CELF2: variants seen among roughly 807,000 people sequenced by gnomAD.
CELF2 encodes CUGBP Elav-like family member 2.
Under a neutral mutation model 62.6 loss-of-function variants are expected in CELF2, and 8 were observed. The ratio of observed to expected loss-of-function variants is 0.13; its 90% CI spans 0.07 to 0.23. The LOEUF is 0.23. Among genes scored for constraint, CELF2 ranks in the 10% least tolerant of loss-of-function variants. The probability of loss-of-function intolerance (pLI) is 1.00; values close to 1 mark genes in which losing one functional copy is unlikely to be tolerated. For synonymous variants in CELF2, 258 were observed against 250.0 expected (o/e 1.03, Z -0.30); for missense variants, 333 against 671.0 (o/e 0.50, Z 5.56).
the CELF2 span, among the ~76,000 whole-genome samples, chr10:10,718,228 A>G: frequency 6.6e-6 from 1 of 152,190 alleles, no homozygotes; most frequent in African/African-American, 2.4e-5. Context: ...TCTTGCTCTT[A>G]ATAGGAAAGC....
the CELF2 span, among the ~76,000 whole-genome samples, chr10:10,691,923 G>C: frequency 6.6e-6 from 1 of 151,246 alleles, no homozygotes; most frequent in Non-Finnish European, 1.5e-5. Context: ...TGTCAGATGA[G>C]TAGGTTGCGA....
At chr10:10,482,335 A>G in the CELF2 span, among the ~76,000 whole-genome samples, 3 of 152,238 alleles carry the variant, frequency 2.0e-5, no homozygotes, top group Non-Finnish European at 4.4e-5. Flanking sequence ...AAATCACCTA[A>G]TTTAAAATAC....
intron 2 of CELF2, among the ~76,000 whole-genome samples, chr10:10,920,770 G>A (rs540506070): frequency 5.6e-5 from 8 of 143,780 alleles, no homozygotes; most frequent in African/African-American, 2.1e-4. Flanking sequence ...CAAGAAGAAA[G>A]GAAGGAAGAA....
the CELF2 span, among the ~76,000 whole-genome samples, chr10:10,695,594 C>T: frequency 6.6e-6 from 1 of 151,654 alleles, no homozygotes; most frequent in African/African-American, 2.4e-5. Flanking sequence ...TAATATCCTG[C>T]AGAGTGTTTT....
chr10:10,487,367 T>G, the CELF2 span, among the ~76,000 whole-genome samples: 2 of 151,008 alleles, frequency 1.3e-5, no homozygotes, highest in Non-Finnish European at 2.9e-5. Flanking sequence ...TTAAGTTACA[T>G]CTCAGCCATT....
At chr10:10,944,595 AT>A (rs972643620) in intron 2 of CELF2, among the ~76,000 whole-genome samples, 2 of 150,972 alleles carry the variant, frequency 1.3e-5, no homozygotes, top group Middle Eastern at 3.4e-3. Context: ...TGGAGGGAGG[AT>A]TTTTTTTTCT....
At chr10:10,522,493 A>G in the CELF2 span, among the ~76,000 whole-genome samples, 3 of 152,340 alleles carry the variant, frequency 2.0e-5, no homozygotes, top group African/African-American at 7.2e-5. Context: ...TCTACAGGGC[A>G]CTCCAAGGTA....
At chr10:10,776,567 C>A in the CELF2 span, 2 of 156,068 alleles carry the variant, frequency 1.3e-5, no homozygotes, top group Non-Finnish European at 2.9e-5. Context: ...CTGAGTAAGA[C>A]AAAAGGAGCC....
chr10:11,170,042 A>T (rs770070050), intron 2 of CELF2, among the ~76,000 whole-genome samples: 11 of 152,188 alleles, frequency 7.2e-5, no homozygotes, highest in Admixed American at 2.0e-4. Flanking sequence ...TTGTGGGGAA[A>T]GGAAATGCAT....
chr10:10,971,713 A>C (rs533835812), intron 2 of CELF2, among the ~76,000 whole-genome samples: 2 of 152,222 alleles, frequency 1.3e-5, no homozygotes, highest in African/African-American at 4.8e-5. Context: ...CAGCCTCCCA[A>C]GTAGCTGGGA....
intron 1 of CELF2, among the ~76,000 whole-genome samples, chr10:11,035,719 T>G (rs1386613359): frequency 6.6e-6 from 1 of 152,230 alleles, no homozygotes; most frequent in East Asian, 1.9e-4. Flanking sequence ...GTTTCCTGAT[T>G]TTTACATTTA....
At chr10:10,677,360 A>G in the CELF2 span, among the ~76,000 whole-genome samples, 1 of 152,234 alleles carries the variant, frequency 6.6e-6, no homozygotes, top group Non-Finnish European at 1.5e-5. Flanking sequence ...TGGTGATAGC[A>G]GAAACCAACT....
the CELF2 span, among the ~76,000 whole-genome samples, chr10:10,634,964 C>T: frequency 7.9e-5 from 12 of 152,134 alleles, no homozygotes; most frequent in Admixed American, 7.9e-4. Flanking sequence ...TTGGCTCAGC[C>T]CTCCAGGTTA....
intron 2 of CELF2, among the ~76,000 whole-genome samples, chr10:10,921,880 C>T (rs1457558767): frequency 2.0e-5 from 3 of 152,012 alleles, no homozygotes; most frequent in Admixed American, 6.6e-5. Context: ...TGAAGGTACT[C>T]GATAATCATG....
intron 9 of CELF2, among the ~76,000 whole-genome samples, chr10:11,307,043 TC>T (rs1389845629): frequency 1.3e-5 from 2 of 152,198 alleles, no homozygotes; most frequent in Non-Finnish European, 2.9e-5. Context: ...CTGTTTGCCA[TC>T]ACCATTGGGA....
At chr10:10,671,752 CAG>C in the CELF2 span, among the ~76,000 whole-genome samples, 1 of 151,248 alleles carries the variant, frequency 6.6e-6, no homozygotes, top group Non-Finnish European at 1.5e-5. Context: ...TTAATTGACA[CAG>C]AGTCTTGCTC....
the CELF2 span, among the ~76,000 whole-genome samples, chr10:10,608,201 A>G: frequency 2.0e-5 from 3 of 152,188 alleles, no homozygotes; most frequent in Admixed American, 6.5e-5. Flanking sequence ...CGTGTGTTAC[A>G]ACCTTGGTTA....
intron 3 of CELF2, among the ~76,000 whole-genome samples, chr10:11,248,814 G>A (rs914256424): frequency 3.3e-5 from 5 of 152,192 alleles, no homozygotes; most frequent in African/African-American, 7.2e-5. Flanking sequence ...ACACTTGCTC[G>A]AGATTGCATG....
the CELF2 span, among the ~76,000 whole-genome samples, chr10:10,660,971 G>T: frequency 3.3e-5 from 5 of 152,188 alleles, no homozygotes; most frequent in African/African-American, 1.2e-4. Flanking sequence ...CATAGTCCCT[G>T]TTCAACACAA....
Sources: gnomAD v4.1 joint callset for allele counts (sites outside exome capture counted in the v4.1 genomes callset) on GRCh38, gnomAD v4.1.1 for gene constraint, MANE v1.5 for transcripts, NCBI Gene and HGNC (gene_info 2026-07-23, HGNC 2026-07-21) for gene names.